The following TAPT1 variants were observed in gnomAD, a reference collection of about 807,000 sequenced individuals.
TAPT1 encodes the protein transmembrane anterior posterior transformation 1, also known as transmembrane anterior posterior transformation protein 1 homolog.
Under a neutral mutation model 65.6 loss-of-function variants are expected in TAPT1, and 28 were observed. The ratio of observed to expected loss-of-function variants is 0.43; its 90% CI spans 0.32 to 0.59. TAPT1 has a LOEUF of 0.59. Ranked by LOEUF, TAPT1 falls within the 20% of genes least tolerant of loss-of-function variation. The pLI is 0.09. For missense variants in TAPT1, 563 were observed against 679.9 expected (o/e 0.83, Z 1.91); for synonymous variants, 278 against 245.2 (o/e 1.13, Z -1.25).
intron 3 of TAPT1, 71 bp downstream of exon 3, chr4:16,202,391 C>G: frequency 1.0e-6 from 1 of 980,912 alleles, no homozygotes; most frequent in Non-Finnish European, 1.6e-6. Flanking sequence ...TATCCTTACT[C>G]TGCAACCACT....
rs1049481490 is a variant in TAPT1 at position 16,163,437 on chromosome 4, C to T, written c.1575G>A (p.Gln525=). The T allele has an allele frequency of 2.5e-6, 4 of 1,613,886 alleles. No homozygotes were observed. The African/African-American group carries it at 4.0e-5, about 16-fold the overall frequency. The change falls in exon 14 of 14, where the codon CAG becomes CAA. Residue 525 remains glutamine (Q), a synonymous_variant. Coordinates refer to ENST00000405303, the MANE Select transcript of TAPT1 (RefSeq NM_153365.3). ...IPLLVTSNSD[Q]FLTTPDGDEK... ...CGTCACCATCTGGAGTTGTCAAAAA[C>T]TGATCAGAATTGCTTGTCACAAGTA...
At chr4:16,176,303 T>C in intron 8 of TAPT1, 75 bp from the exon 9 acceptor site, 1 of 712,340 alleles carries the variant, frequency 1.4e-6, no homozygotes, top group Non-Finnish European at 2.3e-6. Context: ...ACCAGAGAAA[T>C]ATGAAATCTC....
At chr4:16,181,760 G>A (rs1748725417) in intron 7 of TAPT1, among the ~76,000 whole-genome samples, 1 of 152,116 alleles carries the variant, frequency 6.6e-6, no homozygotes, top group South Asian at 2.1e-4. Context: ...CAGAGACAGG[G>A]TTTCACCATG....
At chr4:16,193,403 C>G (rs529077093) in intron 3 of TAPT1, among the ~76,000 whole-genome samples, 7 of 152,272 alleles carry the variant, frequency 4.6e-5, no homozygotes, top group African/African-American at 1.7e-4. Context: ...TCTTTTTCAC[C>G]ATGACTTTCT....
At chr4:16,220,407 CTG>C (rs1488890118) in intron 1 of TAPT1, among the ~76,000 whole-genome samples, 1 of 152,178 alleles carries the variant, frequency 6.6e-6, no homozygotes, top group Non-Finnish European at 1.5e-5. Flanking sequence ...TTTCTGAACA[CTG>C]ATTTCAGTTT....
intron 11 of TAPT1, among the ~76,000 whole-genome samples, chr4:16,171,242 TG>T (rs1308972234): frequency 6.6e-6 from 1 of 152,146 alleles, no homozygotes; most frequent in East Asian, 1.9e-4. Flanking sequence ...ACAGGAAAAA[TG>T]GAACCTTAAA....
intron 1 of TAPT1, among the ~76,000 whole-genome samples, chr4:16,222,496 T>A (rs1250408081): frequency 2.0e-5 from 3 of 152,200 alleles, no homozygotes; most frequent in Admixed American, 6.5e-5. Flanking sequence ...CAGTCACCCT[T>A]TAATCATCCA....
chr4:16,221,076 T>G (rs542796060), intron 1 of TAPT1, among the ~76,000 whole-genome samples: 9 of 151,886 alleles, frequency 5.9e-5, no homozygotes, highest in Admixed American at 3.3e-4. Flanking sequence ...ATACCAATCA[T>G]AAATCCAAAT....
intron 1 of TAPT1, among the ~76,000 whole-genome samples, chr4:16,225,104 A>G (rs1751467568): frequency 6.6e-6 from 1 of 152,252 alleles, no homozygotes; most frequent in Admixed American, 6.5e-5. Flanking sequence ...ACTAAACCAA[A>G]TAAAGTATGG....
intron 2 of TAPT1, among the ~76,000 whole-genome samples, 168 bp from the exon 3 acceptor site, chr4:16,202,748 C>T (rs892535078): frequency 6.6e-6 from 1 of 152,180 alleles, no homozygotes; most frequent in Non-Finnish European, 1.5e-5. Flanking sequence ...TGAGTCTGTG[C>T]TTCCTCAGAG....
chr4:16,223,637 C>T (rs1442348605), intron 1 of TAPT1, among the ~76,000 whole-genome samples: 2 of 151,984 alleles, frequency 1.3e-5, no homozygotes, highest in African/African-American at 2.4e-5. Flanking sequence ...GTTCTGAGAA[C>T]GAAGTGATGA....
chr4:16,218,960 ATGTC>A (rs1751099282), intron 1 of TAPT1, among the ~76,000 whole-genome samples: 1 of 152,250 alleles, frequency 6.6e-6, no homozygotes, highest in Non-Finnish European at 1.5e-5. Context: ...AAACAATACA[ATGTC>A]TGGATTCTAC....
Position 16,163,500 on chromosome 4 carries a change from G to A in TAPT1, c.1512C>T (p.Thr504=). ...TTTCCTTTTGATGAATAGGTTGTTT[G>A]GTGATGGAGGCAGACAGGTTTTCTT... is the stretch of plus-strand genomic sequence containing the variant. ...STEENLSASI[T]KQPIHQKENI... is the part of the protein sequence containing the mutation. The change falls in exon 14 of 14, where the codon ACC becomes ACT. Residue 504 remains threonine (T), a synonymous_variant. Transcript: ENST00000405303. 8.7e-6 allele frequency: 14 copies of A among 1,613,886 alleles called. No individual in the cohort carries two copies. Among genetic ancestry groups the A allele is most frequent in the Non-Finnish European group, 1.1e-5 (13 of 1,179,852 alleles).
intron 1 of TAPT1, among the ~76,000 whole-genome samples, chr4:16,220,041 A>C (rs1410483956): frequency 6.6e-6 from 1 of 152,192 alleles, no homozygotes; most frequent in African/African-American, 2.4e-5. Context: ...CTTTTCCTGG[A>C]GAAGGCTGCA....
upstream of TAPT1, chr4:16,226,944 C>T (rs946237000): frequency 2.8e-5 from 11 of 399,444 alleles, no homozygotes; most frequent in African/African-American, 6.6e-5. Flanking sequence ...AGACTCGGTG[C>T]CCGGAGTGCG....
chr4:16,174,550 T>A, intron 10 of TAPT1, 120 bp downstream of exon 10: 1 of 864,920 alleles, frequency 1.2e-6, no homozygotes, highest in Non-Finnish European at 1.8e-6. Context: ...AGAATAGAGA[T>A]CAGTAGGCAG....
chr4:16,204,002 G>A (rs1235561934), intron 2 of TAPT1, among the ~76,000 whole-genome samples: 3 of 152,154 alleles, frequency 2.0e-5, no homozygotes, highest in South Asian at 2.1e-4. Context: ...GTAGATTAGC[G>A]TAGAGTCCCA....
chr4:16,170,838 G>C, intron 11 of TAPT1, 109 bp from the exon 12 acceptor site: 1 of 782,728 alleles, frequency 1.3e-6, no homozygotes, highest in East Asian at 2.7e-5. Context: ...TAACATTTTA[G>C]GCATATATCT....
chr4:16,217,001 A>G (rs1257400551), intron 1 of TAPT1, among the ~76,000 whole-genome samples: 1 of 152,074 alleles, frequency 6.6e-6, no homozygotes, highest in African/African-American at 2.4e-5. Context: ...TCTAGGTCAC[A>G]ATTTTCTTTT....
Sources: gnomAD v4.1 joint callset for allele counts (sites outside exome capture counted in the v4.1 genomes callset) on GRCh38, gnomAD v4.1.1 for gene constraint, MANE v1.5 for transcripts, NCBI Gene and HGNC (gene_info 2026-07-23, HGNC 2026-07-21) for gene names.